TUBB6: variants seen among roughly 807,000 people sequenced by gnomAD.
TUBB6 encodes tubulin beta-6 chain.
In TUBB6, 18 loss-of-function variants were observed where a neutral mutation model predicts 32.3. The observed-to-expected ratio is 0.56, with a 90% CI of 0.39 to 0.83. The LOEUF is 0.83. Among genes scored for constraint, TUBB6 ranks in the 40% least tolerant of loss-of-function variants. The pLI is 0.00. For missense variants in TUBB6, 480 were observed against 632.0 expected, an observed-to-expected ratio of 0.76 and a Z score of 2.58; for synonymous variants, 280 against 265.8, an observed-to-expected ratio of 1.05 and a Z score of -0.52.
At chr18:12,327,313 T>C (rs1188576063), downstream of TUBB6, among the ~76,000 whole-genome samples, 1 of 152,194 alleles carries the variant, frequency 6.6e-6, no homozygotes, top group East Asian at 1.9e-4. Context: ...TGACCTGTGT[T>C]GGACAGGGAA....
rs751137080 is a variant in TUBB6, at chr18:12,325,616, G to A, written c.827G>A (p.Arg276His). The change falls in exon 4 of 4, where the codon CGC becomes CAC. Residue 276 changes from arginine to histidine, a missense_variant. Physicochemically the swap from Arg to His is conservative, Grantham distance 29 (BLOSUM62 0). Coordinates refer to ENST00000317702, the MANE Select transcript of TUBB6 (RefSeq NM_032525.3). ...CCTGGCTTCGCGCCGCTCACCAGCC[G>A]CGGCAGCCAGCAGTACCGGGCCCTG... The part of the protein sequence containing the change: ...FMPGFAPLTS[R>H]GSQQYRALTV... The A allele has an allele frequency of 5.6e-6, 9 of 1,613,748 alleles. No homozygotes were observed. The South Asian group carries it at 6.6e-5, about 12-fold the overall frequency.
chr18:12,326,230 A>C lies in TUBB6; in HGVS notation c.*100A>C. 6.8e-7 allele frequency: 1 copy of C among 1,462,098 alleles called. No homozygotes were observed. The highest frequency in any genetic ancestry group is 9.1e-7 in the Non-Finnish European group (1 of 1,104,230). 90.6% of individuals were successfully genotyped at this position (1,462,098 alleles called of 1,614,324 possible). On this transcript the variant is annotated 3_prime_UTR_variant, in exon 4 of 4. Transcript: ENST00000317702. Reference sequence around the variant, plus strand: ...TGGCCCTGAATGGTGCACTGGTTTAATTGTGTTGGTGTCGGCCCCTCACAA... The same window carrying C: ...TGGCCCTGAATGGTGCACTGGTTTACTTGTGTTGGTGTCGGCCCCTCACAA...
intron 3 of TUBB6, among the ~76,000 whole-genome samples, chr18:12,314,241 C>G (rs914814712): frequency 1.3e-5 from 2 of 151,942 alleles, no homozygotes; most frequent in Non-Finnish European, 2.9e-5. Flanking sequence ...AAGGACCCCC[C>G]CCAAGCATCT....
At chr18:12,329,589 G>A, downstream of TUBB6, 1 of 1,614,014 alleles carries the variant, frequency 6.2e-7, no homozygotes, top group Non-Finnish European at 8.5e-7. Context: ...TCTCACCCGG[G>A]GGCTCCTCTT....
intron 3 of TUBB6, among the ~76,000 whole-genome samples, chr18:12,311,908 A>G (rs1020957068): frequency 6.6e-6 from 1 of 152,182 alleles, no homozygotes; most frequent in African/African-American, 2.4e-5. Flanking sequence ...GAGACCACAT[A>G]TCTATTGACA....
chr18:12,329,435 CCAT>C, downstream of TUBB6: 1 of 998,928 alleles, frequency 1.0e-6, no homozygotes, highest in Non-Finnish European at 1.6e-6. Flanking sequence ...ACTCCTTTCC[CCAT>C]CATTTCAGCT....
chr18:12,329,252 A>C, downstream of TUBB6: 1 of 701,694 alleles, frequency 1.4e-6, no homozygotes, highest in Middle Eastern at 2.7e-4. Context: ...TCCCTGCCAC[A>C]CGGTCAGCCG....
chr18:12,324,648 C>T (rs900162509), intron 3 of TUBB6, among the ~76,000 whole-genome samples: 1 of 151,874 alleles, frequency 6.6e-6, no homozygotes, highest in Non-Finnish European at 1.5e-5. Flanking sequence ...ATGGGGTTTC[C>T]TCATGTTGCC....
intron 3 of TUBB6, among the ~76,000 whole-genome samples, chr18:12,317,664 C>T (rs1224812702): frequency 1.3e-5 from 2 of 152,270 alleles, no homozygotes; most frequent in East Asian, 3.9e-4. Flanking sequence ...AGACCCTTGA[C>T]ACTTATTCCA....
At chr18:12,309,619 A>G (rs1231418095) in intron 2 of TUBB6, among the ~76,000 whole-genome samples, 2 of 152,190 alleles carry the variant, frequency 1.3e-5, no homozygotes, top group African/African-American at 2.4e-5. Context: ...GGCATGGAAG[A>G]TGAAATTTCT....
chr18:12,308,436 A>C, intron 1 of TUBB6, 87 bp downstream of exon 1: 2 of 1,095,966 alleles, frequency 1.8e-6, no homozygotes, highest in Middle Eastern at 3.4e-4. Context: ...CGGGGCGCGC[A>C]CCCGCTGTGC....
chr18:12,325,125 G>C lies in TUBB6; in HGVS notation c.336G>C (p.Leu112=). The change falls in exon 4 of 4, where the codon CTG becomes CTC. Residue 112 remains leucine (L), a synonymous_variant. Transcript: ENST00000317702. ...AKGHYTEGAE[L]VDAVLDVVRK... is the part of the protein sequence containing the mutation. Reference sequence around the variant, plus strand: ...GGCACTACACGGAGGGCGCGGAGCTGGTGGACGCAGTGCTGGACGTGGTGC... The same window carrying C: ...GGCACTACACGGAGGGCGCGGAGCTCGTGGACGCAGTGCTGGACGTGGTGC... 1 of 1,606,030 alleles carries C rather than the reference G, an allele frequency of 6.2e-7. No homozygotes were observed.
At position 12,314,713 on chromosome 18, in the gene TUBB6, AAGAC is replaced by A. The variant is rs539632331; in HGVS notation, c.277+3663_277+3666del. ...AAAGAAGGATATGAAACAACAGTAA[AAGAC>A]AGGCATAAATGTAGCAGTTTACAAC... is the stretch of plus-strand genomic sequence containing the variant. On this transcript the variant is annotated intron_variant, in intron 3 of 3. Coordinates refer to ENST00000317702, the MANE Select transcript of TUBB6 (RefSeq NM_032525.3). Among the ~76,000 whole-genome samples, 37 of 152,326 alleles carry A rather than the reference AAGAC, an allele frequency of 2.4e-4. No individual in the cohort carries two copies. In the South Asian group the frequency reaches 7.1e-3, roughly 29 times the overall value.
intron 3 of TUBB6, among the ~76,000 whole-genome samples, chr18:12,319,133 C>T (rs199786880): frequency 1.1e-4 from 1 of 9,102 alleles, no homozygotes; most frequent in African/African-American, 1.4e-4. Flanking sequence ...TTTCCTTTTT[C>T]CTTTTTTTTT....
Position 12,325,050 on chromosome 18 carries a change from G to T in TUBB6, c.278-17G>T. ...GCCCTTTCCTGTTTAAACGGCACGG[G>T]ACTCTCTTTGTTGCAGGCCAGACGG... On this transcript the variant is annotated splice_polypyrimidine_tract_variant and intron_variant, in intron 3 of 3. Transcript: ENST00000317702. The T allele has an allele frequency of 6.4e-7, 1 of 1,555,292 alleles. No homozygotes were observed. Among genetic ancestry groups the T allele is most frequent in the Non-Finnish European group, 8.7e-7 (1 of 1,147,744 alleles).
At chr18:12,329,685 T>G, downstream of TUBB6, 1 of 1,614,186 alleles carries the variant, frequency 6.2e-7, no homozygotes, top group Non-Finnish European at 8.5e-7. Context: ...CTTCCACAAA[T>G]TCTTCATAGG....
intron 3 of TUBB6, among the ~76,000 whole-genome samples, chr18:12,323,716 G>A (rs758744346): frequency 1.3e-5 from 2 of 152,042 alleles, no homozygotes; most frequent in Admixed American, 6.5e-5. Context: ...GCTGAGGCAG[G>A]AGAATGGTGT....
At chr18:12,309,411 C>G (rs1047738571) in intron 2 of TUBB6, among the ~76,000 whole-genome samples, 5 of 104,404 alleles carry the variant, frequency 4.8e-5, no homozygotes, top group Non-Finnish European at 8.2e-5. Context: ...CCCCCCCCCC[C>G]CCCAGTTTAA....
downstream of TUBB6, chr18:12,329,538 A>C (rs1423392358): frequency 1.9e-6 from 3 of 1,605,492 alleles, no homozygotes; most frequent in Non-Finnish European, 2.6e-6. Context: ...CACAGTGGAC[A>C]GACTGAGATG....
Sources: allele counts gnomAD v4.1 joint callset (sites outside exome capture counted in the v4.1 genomes callset), GRCh38; gene constraint gnomAD v4.1.1; transcripts MANE v1.5; gene names NCBI Gene and HGNC (gene_info 2026-07-23, HGNC 2026-07-21).